The following MPST variants were observed in gnomAD, a reference collection of about 807,000 sequenced individuals.
The protein encoded by MPST is 3-mercaptopyruvate sulfurtransferase.
MPST carries 27 observed loss-of-function variants against 28.5 expected under a neutral mutation model. The ratio of observed to expected loss-of-function variants is 0.95; its 90% CI spans 0.70 to 1.31. MPST has a LOEUF of 1.31. MPST is among the 50% of genes most tolerant of loss of function. The probability of loss-of-function intolerance (pLI) is 0.00; values close to 1 mark genes in which losing one functional copy is unlikely to be tolerated. For missense variants in MPST, 492 were observed against 471.1 expected (o/e 1.04, Z -0.41); for synonymous variants, 204 against 209.3 (o/e 0.97, Z 0.22).
intron 1 of MPST, 191 bp downstream of exon 1, chr22:37,020,063 G>A: frequency 2.6e-6 from 1 of 390,202 alleles, no homozygotes; most frequent in Non-Finnish European, 4.5e-6. Context: ...GGGTCGTGGC[G>A]AGTGGCGGGT....
intron 1 of MPST, 52 bp downstream of exon 1, chr22:37,019,924 C>A: frequency 2.1e-6 from 2 of 960,788 alleles, no homozygotes; most frequent in Non-Finnish European, 1.4e-6. Flanking sequence ...GGGAGTGGCT[C>A]TTTGGGGGTG....
chr22:37,029,126 G>A (rs1291440873), intron 2 of MPST, 90 bp from the exon 3 acceptor site: 32 of 1,197,168 alleles, frequency 2.7e-5, no homozygotes, highest in African/African-American at 4.6e-5. Context: ...GCTTGCATGG[G>A]ATGCTCTCAA....
chr22:37,024,189 C>G lies in MPST; in HGVS notation c.37-3C>G, dbSNP rs1480517816. On this transcript the variant is annotated splice_polypyrimidine_tract_variant and splice_region_variant and intron_variant, in intron 1 of 2. Coordinates refer to ENST00000429360, the MANE Select transcript of MPST (RefSeq NM_021126.8). ...CCCTTCTGACATCCTCCCTGTCGCC[C>G]AGGCCCGCAGCCCGAGTGTCGCCGC... 5 of 1,375,664 alleles carry G rather than the reference C, an allele frequency of 3.6e-6. No individual in the cohort carries two copies. The African/African-American group carries it at 7.7e-5, about 21-fold the overall frequency. The allele number at this position is 1,375,664 out of a possible 1,614,324, so 85.2% of individuals were successfully genotyped here. A position where few individuals can be genotyped will look rare whatever the true frequency, so the allele number is the denominator to read the frequency against.
chr22:37,024,352 G>A lies in MPST; in HGVS notation c.197G>A (p.Arg66Gln), dbSNP rs1422744536. The change falls in exon 2 of 3, where the codon CGA becomes CAA. Residue 66 changes from arginine to glutamine, a missense_variant. Transcript: ENST00000429360. ...WYLPKLGRDA[R>Q]REFEERHIPG... Reference sequence around the variant, plus strand: ...CTGCCGAAGCTGGGGCGCGACGCGCGACGCGAGTTCGAGGAGCGCCACATC... The same window carrying A: ...CTGCCGAAGCTGGGGCGCGACGCGCAACGCGAGTTCGAGGAGCGCCACATC... 1.3e-6 allele frequency: 2 copies of A among 1,542,554 alleles called. No individual in the cohort carries two copies. Among genetic ancestry groups the A allele is most frequent in the Non-Finnish European group, 8.7e-7 (1 of 1,145,548 alleles).
intron 1 of MPST, among the ~76,000 whole-genome samples, chr22:37,022,216 G>A (rs936626853): frequency 2.6e-5 from 4 of 152,118 alleles, no homozygotes; most frequent in Non-Finnish European, 5.9e-5. Flanking sequence ...CTACCCTAAA[G>A]ACCGTGCTGA....
intron 1 of MPST, among the ~76,000 whole-genome samples, chr22:37,020,681 C>T (rs1288405445): frequency 6.6e-6 from 1 of 152,116 alleles, no homozygotes; most frequent in Non-Finnish European, 1.5e-5. Flanking sequence ...TTTTTTGAGA[C>T]AGGCTGTGGT....
In MPST at chr22:37,029,670, T is replaced by A; in HGVS notation, c.*156T>A. ...AAAGGCCAGGAATTCCGTTGACTTG[T>A]TGGCTGCCAGTAGGGGCGGGAGGAA... On this transcript the variant is annotated 3_prime_UTR_variant, in exon 3 of 3. Coordinates refer to ENST00000429360, the MANE Select transcript of MPST (RefSeq NM_021126.8). 1 of 797,432 alleles carries A rather than the reference T, an allele frequency of 1.3e-6. No homozygotes were observed. The highest frequency in any genetic ancestry group is 1.9e-6 in the Non-Finnish European group (1 of 514,714). 49.4% of individuals were successfully genotyped at this position (797,432 alleles called of 1,614,324 possible). A position where few individuals can be genotyped will look rare whatever the true frequency, so the allele number is the denominator to read the frequency against.
intron 1 of MPST, 175 bp downstream of exon 1, chr22:37,020,047 C>T (rs1461916995): frequency 1.6e-5 from 3 of 192,990 alleles, no homozygotes; most frequent in Non-Finnish European, 3.0e-5. Context: ...GGCGGCCTGC[C>T]GGGTGGGGTC....
At chr22:37,023,781 T>C (rs1174488700) in intron 1 of MPST, 16 of 1,178,472 alleles carry the variant, frequency 1.4e-5, no homozygotes, top group Non-Finnish European at 1.7e-5. Flanking sequence ...GATGAGTGAA[T>C]GAATGACTTC....
In MPST at chr22:37,024,695, C is replaced by T. The variant is rs767134012; in HGVS notation, c.540C>T (p.Pro180=). The T allele has an allele frequency of 2.5e-6, 4 of 1,599,726 alleles. No individual in the cohort carries two copies. Among genetic ancestry groups the T allele is most frequent in the Admixed American group, 3.3e-5 (2 of 60,002 alleles). ...CCGAGTTCCGCGCTCAGCTCGACCC[C>T]GCCTTCATCAAGACCTACGAGGACA... is the stretch of plus-strand genomic sequence containing the variant. ...APAEFRAQLD[P]AFIKTYEDIK... is the part of the protein sequence containing the mutation. Residue 180 remains proline (P), a synonymous_variant, in exon 2 of 3, where the codon CCC becomes CCT. Coordinates refer to ENST00000429360, the MANE Select transcript of MPST (RefSeq NM_021126.8).
At chr22:37,021,751 G>A (rs1923093058) in intron 1 of MPST, among the ~76,000 whole-genome samples, 1 of 152,128 alleles carries the variant, frequency 6.6e-6, no homozygotes, top group African/African-American at 2.4e-5. Context: ...GATTGCAGGT[G>A]TGAGCCACCA....
At chr22:37,023,912 T>A in intron 1 of MPST, 11 of 1,514,816 alleles carry the variant, frequency 7.3e-6, no homozygotes, top group Non-Finnish European at 9.7e-6. Flanking sequence ...CCCACCCTCC[T>A]GCCCAGCAAG....
At chr22:37,028,815 T>G in intron 2 of MPST, 1 of 177,320 alleles carries the variant, frequency 5.6e-6, no homozygotes, top group Non-Finnish European at 1.2e-5. Context: ...ATTATGCTTG[T>G]AATTATTCAG....
intron 1 of MPST, among the ~76,000 whole-genome samples, chr22:37,022,376 C>T (rs1238187335): frequency 1.3e-5 from 2 of 152,230 alleles, no homozygotes; most frequent in Non-Finnish European, 2.9e-5. Flanking sequence ...TTCACTCTCT[C>T]TTGCCTGCAG....
intron 2 of MPST, chr22:37,025,543 C>A: frequency 5.5e-6 from 1 of 182,850 alleles, no homozygotes; most frequent in South Asian, 1.2e-4. Flanking sequence ...TGTGGGTAAG[C>A]TCTGTATAAT....
Position 37,024,687 on chromosome 22 carries a change from C to T in MPST, c.532C>T (p.Leu178Phe). 1.3e-6 allele frequency: 2 copies of T among 1,599,466 alleles called. No individual in the cohort carries two copies. The highest frequency in any genetic ancestry group is 1.7e-6 in the Non-Finnish European group (2 of 1,179,756). ...QPAPAEFRAQ[L>F]DPAFIKTYED... is the part of the protein sequence containing the mutation. ...TGCTCCCGCCGAGTTCCGCGCTCAG[C>T]TCGACCCCGCCTTCATCAAGACCTA... The change falls in exon 2 of 3, where the codon CTC (leucine) becomes TTC (phenylalanine). Residue 178 changes from leucine to phenylalanine, a missense_variant. Transcript: ENST00000429360.
rs574591004 is a variant in MPST, at chr22:37,024,797, C to G, written c.642C>G (p.Pro214=). 2.7e-5 allele frequency: 43 copies of G among 1,603,040 alleles called. No homozygotes were observed. The Admixed American group carries it at 4.5e-4, about 17-fold the overall frequency. ...CTGGCAGGTTCCGCGGCACCGAGCC[C>G]GAGCCCCGAGACGGTAACGCGGGGG... The part of the protein sequence containing the change: ...RATGRFRGTE[P]EPRDGIEPGH... Residue 214 remains proline (P), a synonymous_variant, in exon 2 of 3, where the codon CCC becomes CCG. Coordinates refer to ENST00000429360, the MANE Select transcript of MPST (RefSeq NM_021126.8).
intron 2 of MPST, chr22:37,025,017 C>A: frequency 6.7e-7 from 1 of 1,489,812 alleles, no homozygotes; most frequent in Non-Finnish European, 9.1e-7. Flanking sequence ...GGCTCTACCG[C>A]CCAGGCTGGA....
At position 37,024,774 on chromosome 22, in the gene MPST, G is replaced by A. The variant is rs1285343309; in HGVS notation, c.619G>A (p.Gly207Ser). 2 of 1,602,824 alleles carry A rather than the reference G, an allele frequency of 1.2e-6. No individual in the cohort carries two copies. Among genetic ancestry groups the A allele is most frequent in the Non-Finnish European group, 1.7e-6 (2 of 1,179,724 alleles). ...CCAGGTGGTGGACTCCCGAGCCACT[G>A]GCAGGTTCCGCGGCACCGAGCCCGA... is the stretch of plus-strand genomic sequence containing the variant. ...RFQVVDSRAT[G>S]RFRGTEPEPR... Residue 207 changes from glycine (G) to serine (S), a missense_variant, in exon 2 of 3, where the codon GGC becomes AGC. Physicochemically the swap from Gly to Ser is moderately conservative, Grantham distance 56. Transcript: ENST00000429360.
Sources: allele counts gnomAD v4.1 joint callset (sites outside exome capture counted in the v4.1 genomes callset), GRCh38; gene constraint gnomAD v4.1.1; transcripts MANE v1.5; gene names NCBI Gene and HGNC (gene_info 2026-07-23, HGNC 2026-07-21).